Variants in ZNF626 observed in about 807,000 individuals in gnomAD.
ZNF626 encodes the protein CTC-513N18.7.
Under a neutral mutation model 11.7 loss-of-function variants are expected in ZNF626, and 4 were observed. The observed-to-expected ratio is 0.34, with a 90% CI of 0.17 to 0.78. The LOEUF (loss-of-function observed/expected upper bound fraction) is 0.78. Ranked by LOEUF, ZNF626 falls within the 30% of genes least tolerant of loss-of-function variation. The pLI, the probability that ZNF626 is intolerant of heterozygous loss-of-function variation, is 0.57. For synonymous variants in ZNF626, 179 were observed against 198.6 expected, an observed-to-expected ratio of 0.90 and a Z score of 0.83; for missense variants, 588 against 587.1, an observed-to-expected ratio of 1.00 and a Z score of -0.01.
At chr19:20,651,908 T>G (rs1235542) in intron 1 of ZNF626, among the ~76,000 whole-genome samples, 28,008 of 152,170 alleles carry the variant, frequency 0.18, 2,995 homozygotes, top group African/African-American at 0.28. Flanking sequence ...GTGGCCTTGT[T>G]CTCTCACTCT....
In ZNF626 at chr19:20,646,548, CAG is replaced by C. The variant is rs376779848; in HGVS notation, c.4-145_4-144del. 1.3e-4 allele frequency: 195 copies of C among 1,455,970 alleles called. No homozygotes were observed. In the African/African-American group the frequency reaches 2.0e-3, roughly 15 times the overall value. 90.2% of individuals were successfully genotyped at this position (1,455,970 alleles called of 1,614,324 possible). A position where few individuals can be genotyped will look rare whatever the true frequency, so the allele number is the denominator to read the frequency against. ...ATTATCCAATAAAATGATTTCAAAA[CAG>C]AAATATTCTCTAATGTATTCTCTAA... On this transcript the variant is annotated intron_variant, in intron 1 of 3. Coordinates refer to ENST00000601440, the MANE Select transcript of ZNF626 (RefSeq NM_001076675.3).
At chr19:20,630,543 C>A (rs1365682396) in intron 3 of ZNF626, among the ~76,000 whole-genome samples, 2 of 152,116 alleles carry the variant, frequency 1.3e-5, no homozygotes, top group Non-Finnish European at 2.9e-5. Context: ...TCCATTTCTT[C>A]TAGATTTTCT....
chr19:20,624,758 T>C lies in ZNF626; in HGVS notation c.1119A>G (p.Glu373=), dbSNP rs1460531990. ...AAGACCGCTTGAAGGCTTTGCCACA[T>C]TCTTCACATTTGTAGGGTTTCTCTC... The part of the protein sequence containing the change: ...HTGEKPYKCE[E]CGKAFKRSSD... The change falls in exon 4 of 4, where the codon GAA becomes GAG. Residue 373 remains glutamate (E), a synonymous_variant. Transcript: ENST00000601440. The C allele has an allele frequency of 1.9e-6, 3 of 1,613,410 alleles. No homozygotes were observed. Among genetic ancestry groups the C allele is most frequent in the Non-Finnish European group, 2.5e-6 (3 of 1,179,962 alleles).
chr19:20,660,919 T>C (rs78316478), intron 1 of ZNF626, among the ~76,000 whole-genome samples: 2,848 of 152,274 alleles, frequency 0.019, 31 homozygotes, highest in Admixed American at 0.03. Flanking sequence ...TTACAACTTA[T>C]GACCAGAAAG....
At chr19:20,635,396 C>A (rs1005583597) in intron 3 of ZNF626, among the ~76,000 whole-genome samples, 1 of 152,196 alleles carries the variant, frequency 6.6e-6, no homozygotes, top group Admixed American at 6.5e-5. Context: ...TATCTCAGCT[C>A]ACTGCAACCT....
Position 20,645,289 on chromosome 19 carries a change from C to T in ZNF626, c.226+395G>A. ...CAGAAACTATTACTCTCAGACATTT[C>T]AGATCTGATGCAAAGAGAACTTTGA... On this transcript the variant is annotated intron_variant, in intron 3 of 3. Transcript: ENST00000601440. The T allele has an allele frequency of 2.0e-6, 3 of 1,506,470 alleles. No individual in the cohort carries two copies. In the South Asian group the frequency reaches 4.1e-5, roughly 20 times the overall value. The allele number at this position is 1,506,470 out of a possible 1,614,324, so 93.3% of individuals were successfully genotyped here.
intron 3 of ZNF626, among the ~76,000 whole-genome samples, chr19:20,637,018 C>CAAAAA (rs74172354): frequency 0.015 from 876 of 58,502 alleles, 79 homozygotes; most frequent in African/African-American, 0.042. Flanking sequence ...GACTCCATCT[C>CAAAAA]AAAAAAAAAA....
intron 3 of ZNF626, among the ~76,000 whole-genome samples, chr19:20,640,431 A>G (rs1292710929): frequency 1.3e-5 from 2 of 151,540 alleles, no homozygotes; most frequent in African/African-American, 4.8e-5. Context: ...AAATTTCTGC[A>G]TATTAGAAAC....
In ZNF626 at chr19:20,620,000, A is replaced by T. The variant is rs1020254703; in HGVS notation, c.*4290T>A. ...TAACTAACATCTTTTTTTCTGGCTT[A>T]AATTATTATTCCTTTATGTGTCATT... On this transcript the variant is annotated 3_prime_UTR_variant, in exon 4 of 4. Coordinates refer to ENST00000601440, the MANE Select transcript of ZNF626 (RefSeq NM_001076675.3). The T allele has an allele frequency of 3.3e-5, 5 of 152,208 alleles. No individual in the cohort carries two copies. Among genetic ancestry groups the T allele is most frequent in the Admixed American group, 3.3e-4 (5 of 15,282 alleles). The allele number at this position is 152,208 out of a possible 1,614,324, so 9.4% of individuals were successfully genotyped here. A position where few individuals can be genotyped will look rare whatever the true frequency, so the allele number is the denominator to read the frequency against.
At chr19:20,634,885 AT>A (rs1241866260) in intron 3 of ZNF626, among the ~76,000 whole-genome samples, 1 of 152,238 alleles carries the variant, frequency 6.6e-6, no homozygotes, top group Non-Finnish European at 1.5e-5. Context: ...AATTAAAACA[AT>A]TTGGTATGAG....
In ZNF626 at chr19:20,625,540, A is replaced by C; in HGVS notation, c.337T>G (p.Leu113Val). 6.2e-7 allele frequency: 1 copy of C among 1,613,270 alleles called. No individual in the cohort carries two copies. The highest frequency in any genetic ancestry group is 8.5e-7 in the Non-Finnish European group (1 of 1,179,760). Residue 113 changes from leucine (L) to valine (V), a missense_variant, in exon 4 of 4, where the codon TTA becomes GTA. By Grantham distance (32) the Leu-to-Val change is conservative. This residue lies in a region of ZNF626 where 524 missense variants were observed against 470.1 expected (regional missense o/e 1.11). Coordinates refer to ENST00000601440, the MANE Select transcript of ZNF626 (RefSeq NM_001076675.3). Reference sequence around the variant, plus strand: ...TCCACACTTATACATCCTTTTTTTAACTGTAAATTGTCATGTTCACATTTT... The same window carrying C: ...TCCACACTTATACATCCTTTTTTTACCTGTAAATTGTCATGTTCACATTTT... ...YEKCEHDNLQ[L>V]KKGCISVDEC...
chr19:20,647,010 G>C (rs1375243152), intron 1 of ZNF626, among the ~76,000 whole-genome samples: 3 of 147,234 alleles, frequency 2.0e-5, no homozygotes, highest in Non-Finnish European at 4.5e-5. Flanking sequence ...ACCGCACCCG[G>C]TAATTTTTTT....
intron 3 of ZNF626, among the ~76,000 whole-genome samples, chr19:20,629,336 G>C (rs1424082435): frequency 1.3e-5 from 2 of 152,188 alleles, no homozygotes; most frequent in African/African-American, 4.8e-5. Context: ...TCGGTAGCTT[G>C]ATGGGGATGG....
chr19:20,632,805 C>A (rs1969921426), intron 3 of ZNF626, among the ~76,000 whole-genome samples: 2 of 152,126 alleles, frequency 1.3e-5, no homozygotes, highest in Admixed American at 6.5e-5. Context: ...ATTCTCTGTC[C>A]AGCTTTGTTC....
chr19:20,661,239 G>A (rs1970264195), intron 1 of ZNF626, among the ~76,000 whole-genome samples: 1 of 151,914 alleles, frequency 6.6e-6, no homozygotes, highest in Non-Finnish European at 1.5e-5. Context: ...TCACCGCGCA[G>A]TGAAGAGACA....
In ZNF626 at chr19:20,624,833, T is replaced by A. The variant is rs373473164; in HGVS notation, c.1044A>T (p.Lys348Asn). 33 of 1,613,778 alleles carry A rather than the reference T, an allele frequency of 2.0e-5. No individual in the cohort carries two copies. The highest frequency in any genetic ancestry group is 2.6e-5 in the Non-Finnish European group (31 of 1,179,990). Residue 348 changes from lysine to asparagine, a missense_variant, in exon 4 of 4, where the codon AAA becomes AAT. Transcript: ENST00000601440. Reference protein sequence around the residue: ...DKPYKCEECGKAFKYSSTLTT... With the variant: ...DKPYKCEECGNAFKYSSTLTT... The stretch of plus-strand genomic sequence containing the variant: ...TAAGGGTAGAGGAGTACTTAAAGGC[T>A]TTGCCACATTCTTCACATTTGTAGG...
chr19:20,659,519 G>A (rs986327701), intron 1 of ZNF626, among the ~76,000 whole-genome samples: 11 of 152,118 alleles, frequency 7.2e-5, no homozygotes, highest in African/African-American at 2.7e-4. Context: ...GGGATTACAT[G>A]CCTGAGCCAT....
At chr19:20,656,351 G>A (rs1970205521) in intron 1 of ZNF626, among the ~76,000 whole-genome samples, 1 of 151,998 alleles carries the variant, frequency 6.6e-6, no homozygotes, top group African/African-American at 2.4e-5. Flanking sequence ...AGATAACATA[G>A]AGAATAACAT....
chr19:20,627,028 C>CTAAATAAA (rs145429877), intron 3 of ZNF626, among the ~76,000 whole-genome samples: 1 of 150,922 alleles, frequency 6.6e-6, no homozygotes, highest in Non-Finnish European at 1.5e-5. Context: ...GAAAAACTAA[C>CTAAATAAA]TAAATAAATA....
Sources: gnomAD v4.1 joint callset for allele counts (sites outside exome capture counted in the v4.1 genomes callset) on GRCh38, gnomAD v4.1.1 for gene constraint, gnomAD v4.1.1 regional missense constraint, MANE v1.5 for transcripts, NCBI Gene and HGNC (gene_info 2026-07-23, HGNC 2026-07-21) for gene names.